Variants in ABCA10 observed in about 807,000 individuals in gnomAD.
ABCA10 encodes ATP-binding cassette sub-family A member 10.
In ABCA10, 169 loss-of-function variants were observed where a neutral mutation model predicts 187.5. The ratio of observed to expected loss-of-function variants is 0.90; its 90% CI spans 0.80 to 1.02. ABCA10 has a LOEUF of 1.02. Among genes scored for constraint, ABCA10 ranks in the 50% least tolerant of loss-of-function variants. ABCA10 has a pLI of 0.00. For synonymous variants in ABCA10, 574 were observed against 601.8 expected (o/e 0.95, Z 0.68); for missense variants, 1,727 against 1,812.4 (o/e 0.95, Z 0.86).
intron 22 of ABCA10, chr17:69,179,109 G>A (rs1052158724): frequency 2.0e-5 from 3 of 150,700 alleles, no homozygotes; most frequent in Non-Finnish European, 3.0e-5. Flanking sequence ...TTGAACCCAG[G>A]AGGCGGAGGT....
At chr17:69,214,994 G>C (rs764596160) in intron 8 of ABCA10, 143 bp from the exon 9 acceptor site, 35 of 529,272 alleles carry the variant, frequency 6.6e-5, no homozygotes, top group South Asian at 3.8e-4. Flanking sequence ...TGTGCTATTA[G>C]TATTGTTGCT....
At chr17:69,225,293 A>G in intron 3 of ABCA10, 32 bp downstream of exon 3, 5 of 1,610,036 alleles carry the variant, frequency 3.1e-6, no homozygotes, top group Non-Finnish European at 4.2e-6. Flanking sequence ...TAAGTCACAT[A>G]ATACTGAAAC....
intron 9 of ABCA10, among the ~76,000 whole-genome samples, chr17:69,203,400 C>T (rs755944960): frequency 3.3e-5 from 5 of 152,158 alleles, no homozygotes; most frequent in Non-Finnish European, 4.4e-5. Context: ...TTTGCTACTA[C>T]TGTAGTTATT....
rs2074414219 is a variant in ABCA10 at position 69,185,498 on chromosome 17, G to A, written c.2476C>T (p.Leu826=). ...EQIPKTPLTS[L]LIVNNTGSNI... The stretch of plus-strand genomic sequence containing the variant: ...TCACCTGTATTATTAACGATTAACA[G>A]GCTGGTAAGAGGCGTCTTCGGGATT... Residue 826 remains leucine (L), a synonymous_variant, in exon 20 of 39, where the codon CTG becomes TTG. Coordinates refer to ENST00000690296, the MANE Select transcript of ABCA10 (RefSeq NM_001377321.1). 6.2e-7 allele frequency: 1 copy of A among 1,612,952 alleles called. No homozygotes were observed. The highest frequency in any genetic ancestry group is 1.1e-5 in the South Asian group (1 of 90,912).
intron 28 of ABCA10, among the ~76,000 whole-genome samples, chr17:69,156,437 C>T (rs1415544334): frequency 2.0e-5 from 3 of 152,170 alleles, no homozygotes; most frequent in Non-Finnish European, 2.9e-5. Flanking sequence ...TGCATCCAAT[C>T]TAATTCTGTT....
intron 11 of ABCA10, among the ~76,000 whole-genome samples, chr17:69,195,964 A>G (rs550508835): frequency 6.6e-6 from 1 of 152,314 alleles, no homozygotes; most frequent in South Asian, 2.1e-4. Flanking sequence ...ACTTCTTTCT[A>G]CACAGACACA....
At chr17:69,240,554 C>T (rs2074897632) in intron 1 of ABCA10, among the ~76,000 whole-genome samples, 1 of 152,194 alleles carries the variant, frequency 6.6e-6, no homozygotes, top group Non-Finnish European at 1.5e-5. Context: ...AACTAAAGCA[C>T]TCTTCGGTTG....
At chr17:69,175,601 A>C in intron 22 of ABCA10, 88 bp from the exon 23 acceptor site, 2 of 1,102,706 alleles carry the variant, frequency 1.8e-6, no homozygotes, top group East Asian at 2.6e-5. Context: ...AATAAAGAAA[A>C]ACTCTAGAAG....
chr17:69,178,263 G>C (rs993541283), intron 22 of ABCA10, among the ~76,000 whole-genome samples: 3 of 151,960 alleles, frequency 2.0e-5, no homozygotes, highest in African/African-American at 7.2e-5. Flanking sequence ...AGGTTATTAA[G>C]AGAAGTCATG....
chr17:69,208,088 T>C (rs2074604899), intron 9 of ABCA10, among the ~76,000 whole-genome samples: 1 of 152,110 alleles, frequency 6.6e-6, no homozygotes, highest in South Asian at 2.1e-4. Context: ...GTCAATAAAG[T>C]ATAGAGACAG....
chr17:69,158,569 C>T (rs1183914372), intron 27 of ABCA10, among the ~76,000 whole-genome samples: 2 of 151,556 alleles, frequency 1.3e-5, no homozygotes, highest in Admixed American at 6.6e-5. Context: ...ATAAAATAAA[C>T]CTTAAATGCA....
chr17:69,230,368 CAGTTGGGAGTCTGAG>C (rs1183219648), upstream of ABCA10, among the ~76,000 whole-genome samples: 3 of 152,120 alleles, frequency 2.0e-5, no homozygotes, highest in East Asian at 5.8e-4. Context: ...CAATACGGTA[CAGTTGGGAGTCTGAG>C]ACCTGCATTG....
Position 69,155,819 on chromosome 17 carries a change from G to A in ABCA10, c.3562C>T (p.Pro1188Ser). The change falls in exon 29 of 39, where the codon CCA becomes TCA. Residue 1188 changes from proline to serine, a missense_variant. Coordinates refer to ENST00000690296, the MANE Select transcript of ABCA10 (RefSeq NM_001377321.1). ...RVQAANALTA[P>S]NLEEEPVITA... ...CTGCTGTTCACCTCCTCCAAGTTTGGAGCAGTGAGTGCATTTGCTGCTTGG... is the reference window on the plus strand; with the variant it reads ...CTGCTGTTCACCTCCTCCAAGTTTGAAGCAGTGAGTGCATTTGCTGCTTGG... 1.2e-6 allele frequency: 2 copies of A among 1,613,602 alleles called. No individual in the cohort carries two copies. The highest frequency in any genetic ancestry group is 1.7e-6 in the Non-Finnish European group (2 of 1,179,676).
At chr17:69,244,768 C>T (rs1471194330) in exon 1 of ABCA10, 1 of 151,218 alleles carries the variant, frequency 6.6e-6, no homozygotes, top group East Asian at 1.9e-4. Context: ...ACTAACAGAA[C>T]AACAATAAAA....
chr17:69,187,171 A>G (rs2074427955), intron 19 of ABCA10, among the ~76,000 whole-genome samples: 1 of 152,190 alleles, frequency 6.6e-6, no homozygotes, highest in South Asian at 2.1e-4. Context: ...ACTGGCTGAA[A>G]TCAGCTGAAA....
intron 26 of ABCA10, 97 bp downstream of exon 26, chr17:69,164,867 C>T (rs1413663226): frequency 2.8e-6 from 4 of 1,412,782 alleles, no homozygotes; most frequent in Non-Finnish European, 1.9e-6. Flanking sequence ...TGAATAACTT[C>T]AAAATTTTAT....
At chr17:69,200,491 A>G (rs900865337) in intron 10 of ABCA10, among the ~76,000 whole-genome samples, 3 of 152,232 alleles carry the variant, frequency 2.0e-5, no homozygotes, top group Non-Finnish European at 4.4e-5. Context: ...AATCTTGAAT[A>G]AAATAAGTAA....
upstream of ABCA10, among the ~76,000 whole-genome samples, chr17:69,231,752 A>G (rs934024518): frequency 6.6e-6 from 1 of 152,124 alleles, no homozygotes; most frequent in African/African-American, 2.4e-5. Flanking sequence ...CAGCTGTTGG[A>G]CAGAATGTTT....
chr17:69,192,167 A>T (rs1899591386), intron 16 of ABCA10, among the ~76,000 whole-genome samples: 1 of 152,218 alleles, frequency 6.6e-6, no homozygotes, highest in South Asian at 2.1e-4. Context: ...TACTAAAAAT[A>T]CAAAAAATTA....
Sources: gnomAD v4.1 joint callset for allele counts (sites outside exome capture counted in the v4.1 genomes callset) on GRCh38, gnomAD v4.1.1 for gene constraint, MANE v1.5 for transcripts, NCBI Gene and HGNC (gene_info 2026-07-23, HGNC 2026-07-21) for gene names.